Variants in ZP1 observed in about 807,000 individuals in gnomAD.
ZP1 encodes the protein zona pellucida sperm-binding protein 1.
ZP1 carries 58 observed loss-of-function variants against 67.4 expected under a neutral mutation model. That is an observed-to-expected ratio of 0.86 (90% CI 0.70 to 1.07). The LOEUF is 1.07. Ranked by LOEUF, ZP1 falls within the 50% of genes least tolerant of loss-of-function variation. ZP1 has a pLI of 0.00. For missense variants in ZP1, 759 were observed against 807.3 expected (o/e 0.94, Z 0.72); for synonymous variants, 333 against 332.7 (o/e 1.00, Z -0.01).
chr11:60,873,787 C>T lies in ZP1; in HGVS notation c.1572+12C>T, dbSNP rs759633026. On this transcript the variant is annotated intron_variant, in intron 9 of 11. Coordinates refer to ENST00000278853, the MANE Select transcript of ZP1 (RefSeq NM_207341.4). ...CCCTCAGAGGACTGGTAAGAAGCCC[C>T]GGCTGCCGCATGCCTGGTCCCATCT... 19 of 1,612,898 alleles carry T rather than the reference C, an allele frequency of 1.2e-5. No homozygotes were observed. Among genetic ancestry groups the T allele is most frequent in the Non-Finnish European group, 1.4e-5 (17 of 1,180,006 alleles).
Position 60,869,591 on chromosome 11 carries a change from G to A in ZP1, c.373G>A (p.Val125Met), listed in dbSNP as rs918349479. The A allele has an allele frequency of 6.2e-7, 1 of 1,613,788 alleles. No individual in the cohort carries two copies. Among genetic ancestry groups the A allele is most frequent in the Non-Finnish European group, 8.5e-7 (1 of 1,179,886 alleles). The change falls in exon 3 of 12, where the codon GTG becomes ATG. Residue 125 changes from valine to methionine, a missense_variant. By Grantham distance (21) the Val-to-Met change is conservative. Transcript: ENST00000278853. ...GGAGGCTGTGCTGCCCAATGGTCGTGTGGATGTGGCACAAGACGCTACTCT... is the reference window on the plus strand; with the variant it reads ...GGAGGCTGTGCTGCCCAATGGTCGTATGGATGTGGCACAAGACGCTACTCT... ...FMEAVLPNGRVDVAQDATLIC... is the reference protein window; with the variant it reads ...FMEAVLPNGRMDVAQDATLIC...
chr11:60,871,918 G>C (rs147847878), intron 6 of ZP1, among the ~76,000 whole-genome samples: 2,377 of 152,332 alleles, frequency 0.016, 25 homozygotes, highest in Non-Finnish European at 0.023. Context: ...GTGACCAGGG[G>C]CAAAGCACCT....
chr11:60,870,339 C>A lies in ZP1; in HGVS notation c.690C>A (p.His230Gln). 2 of 1,604,720 alleles carry A rather than the reference C, an allele frequency of 1.2e-6. No individual in the cohort carries two copies. The highest frequency in any genetic ancestry group is 8.5e-7 in the Non-Finnish European group (1 of 1,175,754). The change falls in exon 4 of 12, where the codon CAC becomes CAA. Residue 230 changes from histidine to glutamine, a missense_variant. Physicochemically the swap from His to Gln is conservative, Grantham distance 24 (BLOSUM62 0). Transcript: ENST00000278853. ...DVNKRDYIGT[H>Q]LSQEQCQVAS... ...ACTCTGTCCCAACCCTAGGTACCCA[C>A]CTGAGCCAGGAGCAGTGCCAGGTGG...
Position 60,870,982 on chromosome 11 carries a change from C to G in ZP1, c.852C>G (p.Gly284=). The G allele has an allele frequency of 6.2e-7, 1 of 1,614,078 alleles. No individual in the cohort carries two copies. Among genetic ancestry groups the G allele is most frequent in the Non-Finnish European group, 8.5e-7 (1 of 1,179,948 alleles). The change falls in exon 5 of 12, where the codon GGC becomes GGG. Residue 284 remains glycine (G), a synonymous_variant. Coordinates refer to ENST00000278853, the MANE Select transcript of ZP1 (RefSeq NM_207341.4). ...NTATVQCFRD[G]YFVLVVSQEM... is the part of the protein sequence containing the mutation. ...CTACTGTCCAGTGCTTCAGAGATGGCTACTTCGTCCTCGTGGTGTCCCAAG... is the reference window on the plus strand; with the variant it reads ...CTACTGTCCAGTGCTTCAGAGATGGGTACTTCGTCCTCGTGGTGTCCCAAG...
At position 60,874,164 on chromosome 11, in the gene ZP1, T is replaced by C. The variant is rs1390825533; in HGVS notation, c.1572+389T>C. ...GTATATTTAGGTCTCCTATGTAATATACAGATGGCCTCAGAGGTGACAGAT... is the reference window on the plus strand; with the variant it reads ...GTATATTTAGGTCTCCTATGTAATACACAGATGGCCTCAGAGGTGACAGAT... On this transcript the variant is annotated intron_variant, in intron 9 of 11. Transcript: ENST00000278853. Among the ~76,000 whole-genome samples, 3 of 152,368 alleles carry C rather than the reference T, an allele frequency of 2.0e-5. No individual in the cohort carries two copies. The South Asian group carries it at 6.2e-4, about 32-fold the overall frequency.
chr11:60,875,402 C>A, intron 11 of ZP1, 112 bp from the exon 12 acceptor site: 1 of 1,523,556 alleles, frequency 6.6e-7, no homozygotes, highest in Non-Finnish European at 8.8e-7. Flanking sequence ...CACAGTCCAC[C>A]TCATCTGCAG....
chr11:60,870,381 C>T lies in ZP1; in HGVS notation c.732C>T (p.Pro244=). The T allele has an allele frequency of 1.9e-6, 3 of 1,613,436 alleles. No individual in the cohort carries two copies. The highest frequency in any genetic ancestry group is 2.5e-6 in the Non-Finnish European group (3 of 1,179,794). Residue 244 remains proline, a synonymous_variant, in exon 4 of 12, where the codon CCC becomes CCT. Coordinates refer to ENST00000278853, the MANE Select transcript of ZP1 (RefSeq NM_207341.4). ...GCCAGGTGGCCTCAGGGCACCTCCC[C>T]TGCATCGTGAGAAGAACTTCAAAAG... ...EQCQVASGHL[P]CIVRRTSKEA... is the part of the protein sequence containing the mutation.
chr11:60,867,577 G>C lies in ZP1; in HGVS notation c.16G>C (p.Ala6Pro). ...GTGGCGTCTCATGGCAGGAGGCTCA[G>C]CCACGACCTGGGGTTACCCTGTGGC... MAGGS[A>P]TTWGYPVALL... The change falls in exon 1 of 12, where the codon GCC (alanine) becomes CCC (proline). Residue 6 changes from alanine to proline, a missense_variant. Ala to Pro is a conservative substitution (Grantham distance 27, BLOSUM62 -1). Transcript: ENST00000278853. 1 of 1,609,414 alleles carries C rather than the reference G, an allele frequency of 6.2e-7. No homozygotes were observed. The highest frequency in any genetic ancestry group is 8.5e-7 in the Non-Finnish European group (1 of 1,177,166).
At position 60,869,824 on chromosome 11, in the gene ZP1, A is replaced by G; in HGVS notation, c.606A>G (p.Gly202=). Residue 202 remains glycine (G), a synonymous_variant, in exon 3 of 12, where the codon GGA becomes GGG. Transcript: ENST00000278853. ...CTGCTTTACCATCCCCTGGACCTGG[A>G]CCTACCCTCGCCACCCTGGCTCAAC... ...PTPALPSPGP[G]PTLATLAQPH... is the part of the protein sequence containing the mutation. 6.2e-7 allele frequency: 1 copy of G among 1,610,470 alleles called. No homozygotes were observed. Among genetic ancestry groups the G allele is most frequent in the Non-Finnish European group, 8.5e-7 (1 of 1,178,042 alleles).
intron 4 of ZP1, 139 bp from the exon 5 acceptor site, chr11:60,870,818 T>C: frequency 1.0e-6 from 1 of 979,140 alleles, no homozygotes; most frequent in Non-Finnish European, 1.5e-6. Context: ...AAGGGTTTGC[T>C]GGGGCCAACA....
intron 9 of ZP1, among the ~76,000 whole-genome samples, chr11:60,873,997 C>T (rs1269023813): frequency 1.3e-5 from 2 of 152,244 alleles, no homozygotes; most frequent in Non-Finnish European, 2.9e-5. Context: ...GCAATCAGCC[C>T]TAAATCTGAA....
At chr11:60,874,851 CG>C in intron 9 of ZP1, 81 bp from the exon 10 acceptor site, 1 of 1,397,750 alleles carries the variant, frequency 7.2e-7, no homozygotes, top group Non-Finnish European at 1.0e-6. Flanking sequence ...TGGCCCAGCT[CG>C]GGGATTCCAT....
At chr11:60,871,862 G>A (rs1011302689) in intron 6 of ZP1, among the ~76,000 whole-genome samples, 7 of 152,180 alleles carry the variant, frequency 4.6e-5, no homozygotes, top group African/African-American at 1.7e-4. Flanking sequence ...ATGCCAGTGG[G>A]GGTGACCCGA....
Position 60,873,195 on chromosome 11 carries a change from C to A in ZP1, c.1146C>A (p.Asp382Glu). ...LHVRCVFNAS[D>E]FLPIQASIFP... ...TGCGCTGTGTCTTCAACGCCAGTGA[C>A]TTCCTGCCCATTCAGGCATCCATTT... Residue 382 changes from aspartate (D) to glutamate (E), a missense_variant, in exon 7 of 12, where the codon GAC (aspartate) becomes GAA (glutamate). Asp to Glu is a conservative substitution (Grantham distance 45). Coordinates refer to ENST00000278853, the MANE Select transcript of ZP1 (RefSeq NM_207341.4). 1 of 1,606,682 alleles carries A rather than the reference C, an allele frequency of 6.2e-7. No individual in the cohort carries two copies. The highest frequency in any genetic ancestry group is 1.7e-5 in the Admixed American group (1 of 59,362).
At chr11:60,868,557 G>A (rs190923625) in intron 1 of ZP1, among the ~76,000 whole-genome samples, 3 of 152,318 alleles carry the variant, frequency 2.0e-5, no homozygotes, top group Non-Finnish European at 2.9e-5. Flanking sequence ...GAACCTGGCC[G>A]TGCTCATGGA....
chr11:60,874,689 C>T (rs1381742828), intron 9 of ZP1, among the ~76,000 whole-genome samples: 1 of 152,258 alleles, frequency 6.6e-6, no homozygotes, highest in African/African-American at 2.4e-5. Flanking sequence ...GGGCACTCCA[C>T]TGCAGACTTG....
chr11:60,874,101 A>G (rs1358545333), intron 9 of ZP1, among the ~76,000 whole-genome samples: 3 of 152,220 alleles, frequency 2.0e-5, no homozygotes, highest in African/African-American at 7.2e-5. Flanking sequence ...TCTTTAACTC[A>G]GCAACTTCTC....
chr11:60,871,144 G>C lies in ZP1; in HGVS notation c.1014G>C (p.Gln338His), dbSNP rs774996248. ...FPLTHCGTTMQVAGDQLIYEN... is the reference protein window; with the variant it reads ...FPLTHCGTTMHVAGDQLIYEN... ...TCACCCACTGTGGAACCACAATGCA[G>C]GTAGGAGCCGGGACCACAGGCTGGG... is the stretch of plus-strand genomic sequence containing the variant. Residue 338 changes from glutamine to histidine, a missense_variant and splice_region_variant, in exon 5 of 12, where the codon CAG becomes CAC. By Grantham distance (24) the Gln-to-His change is conservative. Transcript: ENST00000278853. 6.2e-7 allele frequency: 1 copy of C among 1,614,002 alleles called. No individual in the cohort carries two copies. Among genetic ancestry groups the C allele is most frequent in the Non-Finnish European group, 8.5e-7 (1 of 1,179,950 alleles).
At chr11:60,871,361 CA>C (rs1855566553) in intron 6 of ZP1, 47 bp downstream of exon 6, 2 of 1,594,212 alleles carry the variant, frequency 1.3e-6, no homozygotes, top group Non-Finnish European at 1.7e-6. Context: ...GCTAGGGTGT[CA>C]GGGGCACAGG....
Sources: allele counts gnomAD v4.1 joint callset (sites outside exome capture counted in the v4.1 genomes callset), GRCh38; gene constraint gnomAD v4.1.1; transcripts MANE v1.5; gene names NCBI Gene and HGNC (gene_info 2026-07-23, HGNC 2026-07-21).